Variants in DNAH7 observed in about 807,000 individuals in gnomAD.
DNAH7 encodes dynein axonemal heavy chain 7.
Under a neutral mutation model 444.6 loss-of-function variants are expected in DNAH7, and 397 were observed. The ratio of observed to expected loss-of-function variants is 0.89; its 90% CI spans 0.82 to 0.97. The LOEUF (loss-of-function observed/expected upper bound fraction) is 0.97. DNAH7 is among the 50% of genes least tolerant of loss of function. DNAH7 has a pLI of 0.00. For missense variants in DNAH7, 4,902 were observed against 4,800.8 expected, an observed-to-expected ratio of 1.02 and a Z score of -0.62; for synonymous variants, 1,636 against 1,624.4, an observed-to-expected ratio of 1.01 and a Z score of -0.17.
intron 61 of DNAH7, 102 bp from the exon 62 acceptor site, chr2:195,756,387 T>C (rs558353410): frequency 1.2e-5 from 13 of 1,090,600 alleles, no homozygotes; most frequent in Admixed American, 1.2e-4. Context: ...TTTGTTTACA[T>C]TGTGATTAGT....
In DNAH7 at chr2:195,957,141, A is replaced by T. The variant is rs193173784; in HGVS notation, c.3078+120T>A. On this transcript the variant is annotated intron_variant, in intron 19 of 64. Transcript: ENST00000312428. Reference sequence around the variant, plus strand: ...TTCTAAAATAATAGCTGAAAAGACAATGTATGTATGAAACAGATAATGGCT... The same window carrying T: ...TTCTAAAATAATAGCTGAAAAGACATTGTATGTATGAAACAGATAATGGCT... 2,953 of 809,474 alleles carry T rather than the reference A, an allele frequency of 3.6e-3. 3 individuals are homozygous for T. Among genetic ancestry groups the T allele is most frequent in the Non-Finnish European group, 4.4e-3 (2,470 of 561,896 alleles). The allele number at this position is 809,474 out of a possible 1,614,324, so 50.1% of individuals were successfully genotyped here. A position where few individuals can be genotyped will look rare whatever the true frequency, so the allele number is the denominator to read the frequency against.
rs1025821151 is a variant in DNAH7 at position 195,853,278 on chromosome 2, C to T, written c.8781+65G>A. On this transcript the variant is annotated intron_variant, in intron 46 of 64. Coordinates refer to ENST00000312428, the MANE Select transcript of DNAH7 (RefSeq NM_018897.3). ...AAACTGAAACCAAAGTAAAACAAAA[C>T]CTTGAAGGGTTATATTGGCTGTGAT... 24 of 1,435,710 alleles carry T rather than the reference C, an allele frequency of 1.7e-5. No homozygotes were observed. The African/African-American group carries it at 2.1e-4, about 13-fold the overall frequency. The allele number at this position is 1,435,710 out of a possible 1,614,324, so 88.9% of individuals were successfully genotyped here. A position where few individuals can be genotyped will look rare whatever the true frequency, so the allele number is the denominator to read the frequency against.
chr2:195,808,771 A>T lies in DNAH7; in HGVS notation c.9994T>A (p.Cys3332Ser), dbSNP rs367610912. The stretch of plus-strand genomic sequence containing the variant: ...AAGGCAGGCAAATCATCTAATCGAC[A>T]TATTTCATCCCAGGATTTCTGAGGA... ...WLPQKSWDEI[C>S]RLDDLPAFKT... The change falls in exon 53 of 65, where the codon TGT becomes AGT. Residue 3332 changes from cysteine to serine, a missense_variant. By Grantham distance (112) the Cys-to-Ser change is moderately radical (BLOSUM62 -1). Transcript: ENST00000312428. The T allele has an allele frequency of 2.5e-6, 4 of 1,613,914 alleles. No individual in the cohort carries two copies. The highest frequency in any genetic ancestry group is 3.4e-6 in the Non-Finnish European group (4 of 1,179,960).
chr2:195,768,433 C>A (rs779652179), intron 61 of DNAH7, among the ~76,000 whole-genome samples: 16 of 151,738 alleles, frequency 1.1e-4, no homozygotes, highest in Non-Finnish European at 1.9e-4. Context: ...AATTGATGGG[C>A]ATTTCATCGT....
chr2:195,972,344 T>A lies in DNAH7; in HGVS notation c.1956A>T (p.Leu652=). The change falls in exon 16 of 65, where the codon CTA becomes CTT. Residue 652 remains leucine, a synonymous_variant. Coordinates refer to ENST00000312428, the MANE Select transcript of DNAH7 (RefSeq NM_018897.3). ...YVNFSPADMR[L]NNSVFQWYGR... is the part of the protein sequence containing the mutation. ...CATACCACTGGAAAACACTATTATTTAGCCTCATGTCTGCTGGAGAAAAGT... is the reference window on the plus strand; with the variant it reads ...CATACCACTGGAAAACACTATTATTAAGCCTCATGTCTGCTGGAGAAAAGT... 6.2e-7 allele frequency: 1 copy of A among 1,614,148 alleles called. No homozygotes were observed.
rs61502519 is a variant in DNAH7 at position 195,897,767 on chromosome 2, T to TAA, written c.4549-4_4549-3dup. 8.9e-3 allele frequency: 10,074 copies of TAA among 1,133,264 alleles called. No homozygotes were observed. Among genetic ancestry groups the TAA allele is most frequent in the South Asian group, 0.017 (1,051 of 60,502 alleles). 70.2% of individuals were successfully genotyped at this position (1,133,264 alleles called of 1,614,324 possible). A position where few individuals can be genotyped will look rare whatever the true frequency, so the allele number is the denominator to read the frequency against. On this transcript the variant is annotated splice_region_variant and splice_polypyrimidine_tract_variant and intron_variant, in intron 28 of 64. Transcript: ENST00000312428. ...TTCATTTTCATTTGGATATTTCAGC[T>TAA]AAAAAAAAAAAAAAAAACTCATGAG...
At chr2:195,754,618 C>T in intron 62 of DNAH7, 104 bp from the exon 63 acceptor site, 1 of 1,067,032 alleles carries the variant, frequency 9.4e-7, no homozygotes, top group Non-Finnish European at 1.3e-6. Context: ...TCAGGTGATC[C>T]TCTCACCTCA....
At chr2:195,933,644 C>T (rs1048193145) in intron 21 of DNAH7, among the ~76,000 whole-genome samples, 2 of 149,192 alleles carry the variant, frequency 1.3e-5, no homozygotes, top group Non-Finnish European at 3.0e-5. Context: ...CAAACTAACA[C>T]AAAGACAAAA....
intron 43 of DNAH7, 62 bp downstream of exon 43, chr2:195,858,412 G>A (rs1292222580): frequency 2.2e-6 from 3 of 1,343,024 alleles, no homozygotes; most frequent in Non-Finnish European, 3.0e-6. Flanking sequence ...AGAACACAAT[G>A]CTAATTTCTT....
chr2:195,902,614 T>C (rs966805672), intron 27 of DNAH7: 19 of 152,172 alleles, frequency 1.2e-4, no homozygotes, highest in Admixed American at 6.6e-4. Context: ...CCACCCTAGT[T>C]ACTTCACAAA....
At chr2:195,774,474 C>T (rs993916924) in intron 60 of DNAH7, among the ~76,000 whole-genome samples, 1 of 117,528 alleles carries the variant, frequency 8.5e-6, no homozygotes, top group Admixed American at 7.8e-5. Context: ...GAATAGTCCA[C>T]ATTATCCTTC....
chr2:195,858,994 G>A (rs1247639504), intron 42 of DNAH7, among the ~76,000 whole-genome samples, 190 bp from the exon 43 acceptor site: 2 of 152,148 alleles, frequency 1.3e-5, no homozygotes, highest in Admixed American at 6.6e-5. Context: ...ACAATTAAGA[G>A]CAGACAGCGT....
At chr2:195,772,074 A>G (rs745457338) in intron 60 of DNAH7, among the ~76,000 whole-genome samples, 184 bp from the exon 61 acceptor site, 4 of 152,234 alleles carry the variant, frequency 2.6e-5, no homozygotes, top group Non-Finnish European at 5.9e-5. Flanking sequence ...TTCAAGGGAA[A>G]ACTATTGTTA....
At chr2:195,976,771 G>GAGAGAGAGAGAGAC (rs2125593017) in intron 15 of DNAH7, among the ~76,000 whole-genome samples, 1 of 150,828 alleles carries the variant, frequency 6.6e-6, no homozygotes, top group South Asian at 2.1e-4. Flanking sequence ...GAGAGAGAGA[G>GAGAGAGAGAGAGAC]AGAGAGAGAG....
At chr2:196,052,944 T>C (rs888187985) in intron 2 of DNAH7, among the ~76,000 whole-genome samples, 5 of 152,236 alleles carry the variant, frequency 3.3e-5, no homozygotes, top group African/African-American at 1.2e-4. Context: ...GCTGGGCTCA[T>C]AGACTAAGTC....
At chr2:195,744,988 G>C (rs1020849329) in intron 63 of DNAH7, among the ~76,000 whole-genome samples, 1 of 152,230 alleles carries the variant, frequency 6.6e-6, no homozygotes, top group Non-Finnish European at 1.5e-5. Flanking sequence ...ACCAGCAACG[G>C]AACAGAGCTG....
At chr2:195,778,618 G>GGGA (rs1365539221) in intron 58 of DNAH7, among the ~76,000 whole-genome samples, 1 of 21,766 alleles carries the variant, frequency 4.6e-5, no homozygotes, top group African/African-American at 2.0e-4. Flanking sequence ...GACCCTGTCT[G>GGGA]AAAAAAAAAA....
At position 195,926,540 on chromosome 2, in the gene DNAH7, A is replaced by T; in HGVS notation, c.3498T>A (p.Tyr1166Ter). Residue 1166 changes from tyrosine (Y) to a stop codon, truncating the protein, a stop_gained, in exon 22 of 65, where the codon TAT becomes TAA. Coordinates refer to ENST00000312428, the MANE Select transcript of DNAH7 (RefSeq NM_018897.3). LOFTEE classifies it high-confidence loss of function. The part of the protein sequence containing the change: ...HKVTGDATFA[Y>*]TKYERINWVR... ...CCCAGTTAATTCGTTCATATTTTGT[A>T]TAGGCAAAAGTTGCATCTCCAGTTA... 1 of 1,601,868 alleles carries T rather than the reference A, an allele frequency of 6.2e-7. No homozygotes were observed. Among genetic ancestry groups the T allele is most frequent in the Non-Finnish European group, 8.5e-7 (1 of 1,175,406 alleles).
rs1252858128 is a variant in DNAH7 at position 195,913,023 on chromosome 2, C to T, written c.3936-2828G>A. Among the ~76,000 whole-genome samples, 14 of 151,730 alleles carry T rather than the reference C, an allele frequency of 9.2e-5. 1 individual carries two copies. Among genetic ancestry groups the T allele is most frequent in the Admixed American group, 9.2e-4 (14 of 15,222 alleles). ...ACTTATAATTAATATTTTAGAGTGA[C>T]CAGAAAAGCTAGGGAATCTACCCTA... On this transcript the variant is annotated intron_variant, in intron 24 of 64. Transcript: ENST00000312428.
Sources: allele counts gnomAD v4.1 joint callset (sites outside exome capture counted in the v4.1 genomes callset), GRCh38; gene constraint gnomAD v4.1.1; transcripts MANE v1.5; gene names NCBI Gene and HGNC (gene_info 2026-07-23, HGNC 2026-07-21).